SCHIP1: variants seen among roughly 807,000 people sequenced by gnomAD.
SCHIP1 encodes schwannomin-interacting protein 1.
SCHIP1 carries 8 observed loss-of-function variants against 29.7 expected under a neutral mutation model. The observed-to-expected ratio is 0.27, with a 90% confidence interval of 0.16 to 0.49. The LOEUF (loss-of-function observed/expected upper bound fraction) is 0.49, where lower values mean the gene tolerates loss of function less well. SCHIP1 is among the 20% of genes least tolerant of loss of function. The pLI is 0.99. For synonymous variants in SCHIP1, 76 were observed against 94.9 expected (o/e 0.80, Z 1.16); for missense variants, 193 against 294.6 (o/e 0.66, Z 2.52).
At chr3:159,609,691 T>G in the SCHIP1 span, among the ~76,000 whole-genome samples, 8 of 152,300 alleles carry the variant, frequency 5.3e-5, no homozygotes, top group African/African-American at 1.9e-4. Context: ...AGCAGCCGCT[T>G]AAAACCTGGA....
chr3:159,404,403 A>C, the SCHIP1 span, among the ~76,000 whole-genome samples: 1 of 152,130 alleles, frequency 6.6e-6, no homozygotes, highest in Non-Finnish European at 1.5e-5. Context: ...AGAGGAGCCC[A>C]CTGCCCTGAA....
chr3:159,845,382 CT>C (rs11344098), intron 1 of SCHIP1: 34,513 of 140,354 alleles, frequency 0.25, 5,485 homozygotes, highest in African/African-American at 0.48. Context: ...CAAGCTTCTT[CT>C]TTTTTTTTTT....
At chr3:159,601,752 C>T in the SCHIP1 span, among the ~76,000 whole-genome samples, 2 of 152,234 alleles carry the variant, frequency 1.3e-5, no homozygotes, top group Non-Finnish European at 2.9e-5. Context: ...GTGCATTGCA[C>T]TGTCCTTTTC....
the SCHIP1 span, among the ~76,000 whole-genome samples, chr3:159,451,332 CAA>C: frequency 6.6e-6 from 1 of 152,172 alleles, no homozygotes; most frequent in Non-Finnish European, 1.5e-5. Flanking sequence ...GAGTGTTAGA[CAA>C]AGACACTGTT....
the SCHIP1 span, among the ~76,000 whole-genome samples, chr3:159,583,335 T>A: frequency 6.6e-6 from 1 of 152,160 alleles, no homozygotes; most frequent in Non-Finnish European, 1.5e-5. Flanking sequence ...CAGTGAATAT[T>A]TGAGACCCAC....
chr3:159,770,700 A>T, the SCHIP1 span, among the ~76,000 whole-genome samples: 2 of 152,230 alleles, frequency 1.3e-5, no homozygotes, highest in African/African-American at 4.8e-5. Flanking sequence ...CATGATGCTT[A>T]AATCACTGAA....
the SCHIP1 span, among the ~76,000 whole-genome samples, chr3:159,759,335 C>G: frequency 6.6e-6 from 1 of 152,250 alleles, no homozygotes; most frequent in South Asian, 2.1e-4. Flanking sequence ...GCCAACCTGT[C>G]TAATAGAGAT....
At chr3:159,594,387 G>A in the SCHIP1 span, among the ~76,000 whole-genome samples, 3 of 152,170 alleles carry the variant, frequency 2.0e-5, no homozygotes, top group African/African-American at 7.2e-5. Context: ...AATAAGACAT[G>A]TTTGCCTGTT....
chr3:159,849,706 A>G (rs1022189820), intron 1 of SCHIP1, among the ~76,000 whole-genome samples: 1 of 152,206 alleles, frequency 6.6e-6, no homozygotes, highest in East Asian at 1.9e-4. Context: ...GGCTGGGATA[A>G]TAGGAGAATA....
chr3:159,431,311 G>A, the SCHIP1 span, among the ~76,000 whole-genome samples: 1 of 151,856 alleles, frequency 6.6e-6, no homozygotes, highest in Non-Finnish European at 1.5e-5. Flanking sequence ...GTGGGGGAGT[G>A]CTCAAATGGA....
chr3:159,669,415 A>C, the SCHIP1 span, among the ~76,000 whole-genome samples: 3 of 152,220 alleles, frequency 2.0e-5, no homozygotes, highest in Admixed American at 6.5e-5. Flanking sequence ...CACTATATAA[A>C]CATCATTAGA....
At chr3:159,584,633 G>A in the SCHIP1 span, among the ~76,000 whole-genome samples, 7 of 152,050 alleles carry the variant, frequency 4.6e-5, no homozygotes, top group South Asian at 2.1e-4. Context: ...CAAAACATAC[G>A]TATCATTGTG....
At chr3:159,879,999 T>TAG (rs1716272301) in intron 2 of SCHIP1, among the ~76,000 whole-genome samples, 1 of 152,032 alleles carries the variant, frequency 6.6e-6, no homozygotes, top group African/African-American at 2.4e-5. Flanking sequence ...GAACTAGTCT[T>TAG]AGAAGAGCAA....
At chr3:159,611,394 C>T in the SCHIP1 span, among the ~76,000 whole-genome samples, 1 of 152,018 alleles carries the variant, frequency 6.6e-6, no homozygotes, top group African/African-American at 2.4e-5. Context: ...ATGGATGGAG[C>T]TGGAAACCAT....
the SCHIP1 span, among the ~76,000 whole-genome samples, chr3:159,787,205 T>C: frequency 1.3e-5 from 2 of 152,202 alleles, no homozygotes; most frequent in Non-Finnish European, 2.9e-5. Flanking sequence ...TGACTTAATT[T>C]AAAATTGACT....
At chr3:159,723,282 AT>A in the SCHIP1 span, among the ~76,000 whole-genome samples, 1 of 152,194 alleles carries the variant, frequency 6.6e-6, no homozygotes, top group African/African-American at 2.4e-5. Flanking sequence ...ATAGCTGATA[AT>A]CCCACCATCC....
the SCHIP1 span, among the ~76,000 whole-genome samples, chr3:159,428,994 A>G: frequency 0.14 from 20,609 of 148,506 alleles, 1,635 homozygotes; most frequent in African/African-American, 0.21. Flanking sequence ...GGAATTGAAC[A>G]ATGAGAACAC....
At chr3:159,581,031 T>A in the SCHIP1 span, among the ~76,000 whole-genome samples, 1 of 152,130 alleles carries the variant, frequency 6.6e-6, no homozygotes, top group East Asian at 1.9e-4. Context: ...CCTCACCCCA[T>A]CTTTATTACC....
chr3:159,609,654 C>T, the SCHIP1 span, among the ~76,000 whole-genome samples: 11 of 152,226 alleles, frequency 7.2e-5, no homozygotes, highest in Admixed American at 1.3e-4. Context: ...TGTCCCTTCC[C>T]ACTAGGTGGG....
Sources: gnomAD v4.1 joint callset for allele counts (sites outside exome capture counted in the v4.1 genomes callset) on GRCh38, gnomAD v4.1.1 for gene constraint, MANE v1.5 for transcripts, NCBI Gene and HGNC (gene_info 2026-07-23, HGNC 2026-07-21) for gene names.